KHDRBS2: variants seen among roughly 807,000 people sequenced by gnomAD.
KHDRBS2 encodes KH domain-containing, RNA-binding, signal transduction-associated protein 2.
In KHDRBS2, 26 loss-of-function variants were observed where a neutral mutation model predicts 44.3. The ratio of observed to expected loss-of-function variants is 0.59; its 90% CI spans 0.43 to 0.81. KHDRBS2 has a LOEUF of 0.81. KHDRBS2 is among the 40% of genes least tolerant of loss of function. The pLI is 0.00. For missense variants in KHDRBS2, 476 were observed against 433.1 expected (o/e 1.10, Z -0.88); for synonymous variants, 194 against 151.1 (o/e 1.28, Z -2.08).
Position 62,234,531 on chromosome 6 carries a change from A to T in KHDRBS2, c.91+51327T>A, listed in dbSNP as rs369404818. 2.0e-3 allele frequency among the ~76,000 whole-genome samples: 307 copies of T among 152,256 alleles called. 10 individuals carry two copies. The South Asian group carries it at 0.06, about 30-fold the overall frequency. On this transcript the variant is annotated intron_variant, in intron 1 of 8. Coordinates refer to ENST00000281156, the MANE Select transcript of KHDRBS2 (RefSeq NM_152688.4). ...TACCTCAACTTGGAGCTTAAAAAATAAACAATGGGTTTAAAAATACGGTTT... is the reference window on the plus strand; with the variant it reads ...TACCTCAACTTGGAGCTTAAAAAATTAACAATGGGTTTAAAAATACGGTTT...
intron 5 of KHDRBS2, among the ~76,000 whole-genome samples, chr6:61,899,446 A>C (rs1386265603): frequency 6.6e-6 from 1 of 151,908 alleles, no homozygotes; most frequent in Non-Finnish European, 1.5e-5. Flanking sequence ...CTTTTTATGT[A>C]TATAGTATCA....
Position 61,737,511 on chromosome 6 carries a change from G to A in KHDRBS2, c.811-4747C>T, listed in dbSNP as rs9351149. On this transcript the variant is annotated intron_variant, in intron 6 of 8. Coordinates refer to ENST00000281156, the MANE Select transcript of KHDRBS2 (RefSeq NM_152688.4). Reference sequence around the variant, plus strand: ...GTCACAAAATGAAAAGCATAACAACGTTTAAGATGTCAACACTGCATCCTA... The same window carrying A: ...GTCACAAAATGAAAAGCATAACAACATTTAAGATGTCAACACTGCATCCTA... Among the ~76,000 whole-genome samples the A allele has an allele frequency of 3.2e-4, 49 of 152,092 alleles. No individual in the cohort carries two copies. The East Asian group carries it at 7.7e-3, about 24-fold the overall frequency.
intron 4 of KHDRBS2, among the ~76,000 whole-genome samples, chr6:61,915,830 T>C (rs1481260330): frequency 6.6e-6 from 1 of 152,024 alleles, no homozygotes; most frequent in East Asian, 1.9e-4. Flanking sequence ...ACTTTAGTGG[T>C]AGCAAAGGGC....
At chr6:62,009,341 C>T (rs1266533161) in intron 3 of KHDRBS2, among the ~76,000 whole-genome samples, 1 of 152,120 alleles carries the variant, frequency 6.6e-6, no homozygotes, top group Non-Finnish European at 1.5e-5. Flanking sequence ...ATCAGCAAAG[C>T]ATTCAAGAGG....
chr6:61,890,384 A>G (rs1002187601), intron 6 of KHDRBS2, among the ~76,000 whole-genome samples: 4 of 151,728 alleles, frequency 2.6e-5, no homozygotes, highest in African/African-American at 9.7e-5. Flanking sequence ...ATTTCCATAA[A>G]CTCTTTATGC....
chr6:61,675,407 T>C (rs1425998960), downstream of KHDRBS2, among the ~76,000 whole-genome samples: 2 of 151,744 alleles, frequency 1.3e-5, no homozygotes, highest in Non-Finnish European at 2.9e-5. Flanking sequence ...TAATACGGTA[T>C]ACTAAAAGTG....
intron 3 of KHDRBS2, among the ~76,000 whole-genome samples, chr6:62,030,153 T>C (rs1204066826): frequency 1.3e-5 from 2 of 151,998 alleles, no homozygotes; most frequent in Non-Finnish European, 2.9e-5. Context: ...TGCTTTAACA[T>C]CAGATGTGAG....
chr6:62,015,769 G>A (rs1208113627), intron 3 of KHDRBS2, among the ~76,000 whole-genome samples: 1 of 152,162 alleles, frequency 6.6e-6, no homozygotes, highest in East Asian at 1.9e-4. Context: ...ACTGATGAAA[G>A]CCAGAATTAT....
chr6:61,886,856 T>C lies in KHDRBS2; in HGVS notation c.810+7779A>G, dbSNP rs578102630. 4.6e-5 allele frequency among the ~76,000 whole-genome samples: 7 copies of C among 152,350 alleles called. No individual in the cohort carries two copies. In the South Asian group the frequency reaches 1.2e-3, roughly 27 times the overall value. On this transcript the variant is annotated intron_variant, in intron 6 of 8. Coordinates refer to ENST00000281156, the MANE Select transcript of KHDRBS2 (RefSeq NM_152688.4). Reference sequence around the variant, plus strand: ...AGAGTAGAGATAGTTTCTCTTTAACTACAGTTTTTATATTTCCAGCACTTA... The same window carrying C: ...AGAGTAGAGATAGTTTCTCTTTAACCACAGTTTTTATATTTCCAGCACTTA...
intron 6 of KHDRBS2, among the ~76,000 whole-genome samples, chr6:61,781,658 T>A (rs1412368263): frequency 6.6e-6 from 1 of 152,178 alleles, no homozygotes; most frequent in Admixed American, 6.6e-5. Context: ...GCATAGTTTG[T>A]GTAGTGGTCA....
At chr6:62,041,279 C>T (rs909990497) in intron 3 of KHDRBS2, among the ~76,000 whole-genome samples, 16 of 151,772 alleles carry the variant, frequency 1.1e-4, no homozygotes, top group Non-Finnish European at 2.1e-4. Context: ...TGTAGTGAGC[C>T]GAGACTGCAC....
the KHDRBS2 span, among the ~76,000 whole-genome samples, chr6:61,557,629 G>A: frequency 1.3e-5 from 2 of 152,120 alleles, no homozygotes; most frequent in Non-Finnish European, 1.5e-5. Context: ...TTGATATCAG[G>A]ATAATAGTAG....
chr6:62,278,812 C>T (rs1841371927), intron 1 of KHDRBS2, among the ~76,000 whole-genome samples: 2 of 151,802 alleles, frequency 1.3e-5, no homozygotes, highest in South Asian at 2.1e-4. Context: ...AAGGCAGACA[C>T]GGCCAGGCGT....
chr6:61,623,839 G>T, the KHDRBS2 span, among the ~76,000 whole-genome samples: 1 of 152,160 alleles, frequency 6.6e-6, no homozygotes, highest in Non-Finnish European at 1.5e-5. Flanking sequence ...GGAGTGAACT[G>T]AAAATTGGTA....
At chr6:61,831,072 G>T (rs1487031132) in intron 6 of KHDRBS2, among the ~76,000 whole-genome samples, 2 of 152,074 alleles carry the variant, frequency 1.3e-5, no homozygotes, top group Admixed American at 6.6e-5. Context: ...ACTTAAAAAT[G>T]CACTGAACAT....
chr6:62,072,815 G>C (rs1043931570), intron 2 of KHDRBS2, among the ~76,000 whole-genome samples: 1 of 151,938 alleles, frequency 6.6e-6, no homozygotes, highest in Non-Finnish European at 1.5e-5. Flanking sequence ...TTTTTGTTAT[G>C]TCTCTGCCAG....
intron 7 of KHDRBS2, among the ~76,000 whole-genome samples, chr6:61,721,004 C>T (rs1469615361): frequency 6.6e-6 from 1 of 151,062 alleles, no homozygotes; most frequent in African/African-American, 2.4e-5. Flanking sequence ...TATGGCTAGC[C>T]AGTTTTCCCA....
intron 8 of KHDRBS2, among the ~76,000 whole-genome samples, chr6:61,688,654 A>T (rs1390986193): frequency 6.6e-6 from 1 of 151,920 alleles, no homozygotes; most frequent in Non-Finnish European, 1.5e-5. Flanking sequence ...AGCCATAGTT[A>T]TAGCAATTAG....
intron 4 of KHDRBS2, among the ~76,000 whole-genome samples, chr6:61,976,862 T>C (rs563699628): frequency 6.6e-6 from 1 of 152,182 alleles, no homozygotes; most frequent in Admixed American, 6.6e-5. Flanking sequence ...AAAAGGAAAA[T>C]AAAACGTAGC....
Sources: gnomAD v4.1 joint callset for allele counts (sites outside exome capture counted in the v4.1 genomes callset) on GRCh38, gnomAD v4.1.1 for gene constraint, MANE v1.5 for transcripts, NCBI Gene and HGNC (gene_info 2026-07-23, HGNC 2026-07-21) for gene names.